COL9A3: variants seen among roughly 807,000 people sequenced by gnomAD.
COL9A3 encodes collagen alpha-3(IX) chain.
COL9A3 carries 82 observed loss-of-function variants against 110.2 expected under a neutral mutation model. The observed-to-expected ratio is 0.74, with a 90% CI of 0.62 to 0.89. The LOEUF (loss-of-function observed/expected upper bound fraction) is 0.89, where lower values mean the gene tolerates loss of function less well. Ranked by LOEUF, COL9A3 falls within the 40% of genes least tolerant of loss-of-function variation. COL9A3 has a pLI of 0.00. For synonymous variants in COL9A3, 494 were observed against 403.8 expected (o/e 1.22, Z -2.68); for missense variants, 1,066 against 981.3 (o/e 1.09, Z -1.15).
chr20:62,829,623 T>C lies in COL9A3; in HGVS notation c.1054-5T>C, dbSNP rs753022762. On this transcript the variant is annotated splice_polypyrimidine_tract_variant and splice_region_variant and intron_variant, in intron 20 of 31. Transcript: ENST00000649368. ...CAGGCACTCACAGCTCTCCTTCCTCTACAGGGCAGAGCTGGGGAGCTGGGT... is the reference window on the plus strand; with the variant it reads ...CAGGCACTCACAGCTCTCCTTCCTCCACAGGGCAGAGCTGGGGAGCTGGGT... The C allele has an allele frequency of 1.9e-6, 3 of 1,610,090 alleles. No homozygotes were observed. The highest frequency in any genetic ancestry group is 1.3e-5 in the African/African-American group (1 of 75,024).
At chr20:62,832,895 G>A in intron 25 of COL9A3, 125 bp from the exon 26 acceptor site, 1 of 884,792 alleles carries the variant, frequency 1.1e-6, no homozygotes, top group South Asian at 1.4e-5. Context: ...CTGGGGCCTG[G>A]GCTTTTGGCC....
intron 26 of COL9A3, among the ~76,000 whole-genome samples, chr20:62,833,561 G>A (rs1237628010): frequency 9.2e-5 from 14 of 151,760 alleles, no homozygotes; most frequent in Non-Finnish European, 1.6e-4. Flanking sequence ...CCGCCACCAT[G>A]CCCAGCTAAT....
rs1193996603 is a variant in COL9A3 at position 62,822,646 on chromosome 20, G to A, written c.519+14G>A. On this transcript the variant is annotated intron_variant, in intron 10 of 31. Transcript: ENST00000649368. ...ACTGACCTTCAGGTAGGCACTTGAA[G>A]CCATTTGTTAAGGGTGCTGGGGGGT... 1 of 1,611,450 alleles carries A rather than the reference G, an allele frequency of 6.2e-7. No homozygotes were observed. The highest frequency in any genetic ancestry group is 1.7e-5 in the Admixed American group (1 of 60,024).
In COL9A3 at chr20:62,824,845, G is replaced by A. The variant is rs530756642; in HGVS notation, c.577-123G>A. ...TTTCCCCATGAGGGCCCAGACCCGC[G>A]GTCCTGTGCGCTGCCGTGTGGCGGG... On this transcript the variant is annotated intron_variant, in intron 11 of 31. Transcript: ENST00000649368. 7.9e-5 allele frequency: 84 copies of A among 1,058,000 alleles called. No homozygotes were observed. In the African/African-American group the frequency reaches 9.1e-4, roughly 11 times the overall value. The allele number at this position is 1,058,000 out of a possible 1,614,324, so 65.5% of individuals were successfully genotyped here. A position where few individuals can be genotyped will look rare whatever the true frequency, so the allele number is the denominator to read the frequency against.
In COL9A3 at chr20:62,819,203, G is replaced by A. The variant is rs1180407277; in HGVS notation, c.184-19G>A. On this transcript the variant is annotated intron_variant, in intron 3 of 31. Transcript: ENST00000649368. ...GGCCAGACCCCGCCTTCACATCTCT[G>A]CCCTTTCCTCCTGCACAGGGACCAA... The A allele has an allele frequency of 6.2e-7, 1 of 1,611,416 alleles. No individual in the cohort carries two copies. Among genetic ancestry groups the A allele is most frequent in the African/African-American group, 1.3e-5 (1 of 74,886 alleles).
chr20:62,838,754 G>T lies in COL9A3; in HGVS notation c.1857G>T (p.Gly619=), dbSNP rs1029805186. The part of the protein sequence containing the change: ...AGLDGPEGDQ[G]PQGPQGVPGT... ...TGGACGGGCCTGAAGGAGACCAGGG[G>T]CCCCAAGGTACGAGTCCACGGCCAG... The change falls in exon 31 of 32, where the codon GGG becomes GGT. Residue 619 remains glycine (G), a synonymous_variant. Coordinates refer to ENST00000649368, the MANE Select transcript of COL9A3 (RefSeq NM_001853.4). The T allele has an allele frequency of 1.3e-6, 2 of 1,551,780 alleles. No homozygotes were observed. The highest frequency in any genetic ancestry group is 2.0e-5 in the Admixed American group (1 of 51,016).
In COL9A3 at chr20:62,829,641, A is replaced by G; in HGVS notation, c.1067A>G (p.Glu356Gly). ...GEKGERGRAG[E>G]LGEAGPSGEP... is the part of the protein sequence containing the mutation. Reference sequence around the variant, plus strand: ...CTTCCTCTACAGGGCAGAGCTGGGGAGCTGGGTGAGGCCGGCCCCTCTGGA... The same window carrying G: ...CTTCCTCTACAGGGCAGAGCTGGGGGGCTGGGTGAGGCCGGCCCCTCTGGA... Residue 356 changes from glutamate to glycine, a missense_variant, in exon 21 of 32, where the codon GAG becomes GGG. Coordinates refer to ENST00000649368, the MANE Select transcript of COL9A3 (RefSeq NM_001853.4). 6.2e-7 allele frequency: 1 copy of G among 1,609,734 alleles called. No individual in the cohort carries two copies. The highest frequency in any genetic ancestry group is 2.2e-5 in the East Asian group (1 of 44,760).
At chr20:62,818,177 A>C (rs1456664799) in intron 2 of COL9A3, among the ~76,000 whole-genome samples, 1 of 152,160 alleles carries the variant, frequency 6.6e-6, no homozygotes, top group Non-Finnish European at 1.5e-5. Context: ...CCACCAGGGC[A>C]GGAGTCCCCT....
chr20:62,818,809 G>A (rs1991021893), intron 3 of COL9A3, among the ~76,000 whole-genome samples: 2 of 151,996 alleles, frequency 1.3e-5, no homozygotes, highest in African/African-American at 4.8e-5. Flanking sequence ...CGGGACCGGG[G>A]CTGGTACAGC....
At chr20:62,830,289 G>C (rs2063585144) in intron 22 of COL9A3, 71 bp from the exon 23 acceptor site, 1 of 1,521,282 alleles carries the variant, frequency 6.6e-7, no homozygotes, top group Non-Finnish European at 8.9e-7. Flanking sequence ...GGCTGAGCCA[G>C]GCTCCCTGGG....
At chr20:62,818,575 G>T (rs1568747188) in intron 3 of COL9A3, 22 bp downstream of exon 3, 10 of 1,610,486 alleles carry the variant, frequency 6.2e-6, no homozygotes, top group African/African-American at 1.3e-5. Context: ...TGGCTGGGGA[G>T]ACAGCCTTTT....
At chr20:62,824,104 C>T (rs569937669) in intron 10 of COL9A3, among the ~76,000 whole-genome samples, 3 of 138,490 alleles carry the variant, frequency 2.2e-5, no homozygotes, top group African/African-American at 8.6e-5. Context: ...GGCCCCGTCA[C>T]CCACGCGGAG....
intron 16 of COL9A3, 107 bp from the exon 17 acceptor site, chr20:62,827,816 C>CCGCT: frequency 8.1e-7 from 1 of 1,233,586 alleles, no homozygotes; most frequent in Non-Finnish European, 1.2e-6. Flanking sequence ...GTGGCCCCTG[C>CCGCT]CGCTGCCCAC....
In COL9A3 at chr20:62,820,102, C is replaced by T. The variant is rs542821687; in HGVS notation, c.309+120C>T. 213 of 1,226,388 alleles carry T rather than the reference C, an allele frequency of 1.7e-4. No individual in the cohort carries two copies. In the African/African-American group the frequency reaches 2.3e-3, roughly 13 times the overall value. 76.0% of individuals were successfully genotyped at this position (1,226,388 alleles called of 1,614,324 possible). ...TAGTTCCAAGGACAGCTGCCCTGCC[C>T]GTGCCTGGGGTGGAGGGGCAGAAGG... On this transcript the variant is annotated intron_variant, in intron 5 of 31. Transcript: ENST00000649368.
At position 62,840,671 on chromosome 20, in the gene COL9A3, C is replaced by A. The variant is rs750703504; in HGVS notation, c.1994C>A (p.Ser665Ter). ...GGGACACCGGGGATCTGCGACACCT[C>A]AGCCTGCCAAGGAGCCGTGTTAGGA... ...AQGTPGICDTSACQGAVLGGV... is the reference protein window; with the variant it reads ...AQGTPGICDT The change falls in exon 32 of 32, where the codon TCA (serine) becomes TAA (stop). Residue 665 changes from serine (S) to a stop codon, truncating the protein, a stop_gained. Transcript: ENST00000649368. LOFTEE classifies it high-confidence loss of function. The A allele has an allele frequency of 6.2e-7, 1 of 1,605,750 alleles. No homozygotes were observed.
chr20:62,829,569 C>T (rs1183634550), intron 20 of COL9A3, 59 bp from the exon 21 acceptor site: 3 of 1,610,834 alleles, frequency 1.9e-6, no homozygotes, highest in South Asian at 1.1e-5. Flanking sequence ...GCTGGGGGGC[C>T]AGCGACCTGG....
Position 62,837,131 on chromosome 20 carries a change from G to A in COL9A3, c.1652G>A (p.Gly551Glu), listed in dbSNP as rs773360074. 1 of 1,613,442 alleles carries A rather than the reference G, an allele frequency of 6.2e-7. No homozygotes were observed. The highest frequency in any genetic ancestry group is 1.1e-5 in the South Asian group (1 of 91,086). Reference sequence around the variant, plus strand: ...CACCTAAGGAAGCCTTTGGCACCCGGGTCCATTGGTCGGCCCGGTCCAGCT... The same window carrying A: ...CACCTAAGGAAGCCTTTGGCACCCGAGTCCATTGGTCGGCCCGGTCCAGCT... ...AAHLRKPLAP[G>E]SIGRPGPAGP... The change falls in exon 30 of 32, where the codon GGG becomes GAG. Residue 551 changes from glycine (G) to glutamate (E), a missense_variant. Physicochemically the swap from Gly to Glu is moderately conservative, Grantham distance 98 (BLOSUM62 -2). Transcript: ENST00000649368.
chr20:62,832,933 C>CG lies in COL9A3; in HGVS notation c.1324-85dup, dbSNP rs1249383245. The CG allele has an allele frequency of 6.4e-6, 8 of 1,250,368 alleles. No individual in the cohort carries two copies. The African/African-American group carries it at 1.2e-4, about 19-fold the overall frequency. 77.5% of individuals were successfully genotyped at this position (1,250,368 alleles called of 1,614,324 possible). A position where few individuals can be genotyped will look rare whatever the true frequency, so the allele number is the denominator to read the frequency against. Reference sequence around the variant, plus strand: ...GACCTTAAGATGAACATTACACCTACGGAGGCTTGAGAGCAGGGACTTTAA... The same window carrying CG: ...GACCTTAAGATGAACATTACACCTACGGGAGGCTTGAGAGCAGGGACTTTAA... On this transcript the variant is annotated intron_variant, in intron 25 of 31. Transcript: ENST00000649368.
chr20:62,826,424 C>T (rs567333539), intron 14 of COL9A3, among the ~76,000 whole-genome samples, 167 bp downstream of exon 14: 1 of 152,324 alleles, frequency 6.6e-6, no homozygotes, highest in South Asian at 2.1e-4. Flanking sequence ...CCTGTTCTCG[C>T]ATGTGCCTGG....
Sources: gnomAD v4.1 joint callset for allele counts (sites outside exome capture counted in the v4.1 genomes callset) on GRCh38, gnomAD v4.1.1 for gene constraint, MANE v1.5 for transcripts, NCBI Gene and HGNC (gene_info 2026-07-23, HGNC 2026-07-21) for gene names.